The following CENPC variants were observed in gnomAD, a reference collection of about 807,000 sequenced individuals.
CENPC encodes CENP-C 1.
Under a neutral mutation model 112.1 loss-of-function variants are expected in CENPC, and 63 were observed. That is an observed-to-expected ratio of 0.56 (90% CI 0.46 to 0.69). The LOEUF is 0.69. Among genes scored for constraint, CENPC ranks in the 30% least tolerant of loss-of-function variants. The pLI is 0.00. For synonymous variants in CENPC, 333 were observed against 367.6 expected (o/e 0.91, Z 1.08); for missense variants, 1,000 against 1,103.8 (o/e 0.91, Z 1.33).
intron 9 of CENPC, among the ~76,000 whole-genome samples, chr4:67,510,513 T>C (rs919993265): frequency 5.9e-5 from 9 of 152,204 alleles, no homozygotes; most frequent in Admixed American, 3.3e-4. Flanking sequence ...GGCAGGACTA[T>C]GGTGAAGCAA....
chr4:67,533,691 T>C (rs181357930), intron 4 of CENPC, among the ~76,000 whole-genome samples: 13 of 152,208 alleles, frequency 8.5e-5, no homozygotes, highest in Admixed American at 2.0e-4. Flanking sequence ...GCAGACAGAT[T>C]ACTGTTTATG....
chr4:67,536,345 A>C (rs1254101879), intron 4 of CENPC, among the ~76,000 whole-genome samples: 1 of 152,192 alleles, frequency 6.6e-6, no homozygotes, highest in South Asian at 2.1e-4. Flanking sequence ...CTCCAACCAT[A>C]TGTTTTACAA....
At chr4:67,486,406 C>G (rs1289704259) in intron 17 of CENPC, among the ~76,000 whole-genome samples, 8 of 152,088 alleles carry the variant, frequency 5.3e-5, no homozygotes, top group African/African-American at 1.9e-4. Context: ...ATATTTAATA[C>G]CAAATATCTA....
At chr4:67,504,479 T>A (rs1197496245) in intron 12 of CENPC, among the ~76,000 whole-genome samples, 2 of 152,100 alleles carry the variant, frequency 1.3e-5, no homozygotes, top group Non-Finnish European at 2.9e-5. Context: ...ATGAAAAAAT[T>A]ATAAAATTCT....
chr4:67,489,158 C>T (rs1349007260), intron 17 of CENPC, among the ~76,000 whole-genome samples: 1 of 150,502 alleles, frequency 6.6e-6, no homozygotes, highest in African/African-American at 2.4e-5. Flanking sequence ...ACTCAGACTA[C>T]AAATATTTTT....
chr4:67,527,932 T>A (rs1726431890), intron 5 of CENPC, among the ~76,000 whole-genome samples: 1 of 152,078 alleles, frequency 6.6e-6, no homozygotes, highest in African/African-American at 2.4e-5. Context: ...CTAATTTCAG[T>A]TAAAATCATA....
chr4:67,539,975 G>T, intron 3 of CENPC, 41 bp from the exon 4 acceptor site: 1 of 1,036,936 alleles, frequency 9.6e-7, no homozygotes, highest in Non-Finnish European at 1.4e-6. Context: ...AAGATATAGT[G>T]TAATATCTAT....
In CENPC at chr4:67,490,097, T is replaced by C. The variant is rs752662271; in HGVS notation, c.2540A>G (p.Tyr847Cys). The C allele has an allele frequency of 1.9e-6, 3 of 1,608,268 alleles. No individual in the cohort carries two copies. The highest frequency in any genetic ancestry group is 1.1e-5 in the South Asian group (1 of 89,498). The part of the protein sequence containing the change: ...LMDLVRPQDT[Y>C]QFFVKHGELK... Reference sequence around the variant, plus strand: ...CTCACCATGCTTAACAAAAAATTGATATGTATCTTGTGGCCTTACAAGATC... The same window carrying C: ...CTCACCATGCTTAACAAAAAATTGACATGTATCTTGTGGCCTTACAAGATC... The change falls in exon 17 of 19, where the codon TAT becomes TGT. Residue 847 changes from tyrosine (Y) to cysteine (C), a missense_variant. Physicochemically the swap from Tyr to Cys is radical, Grantham distance 194. Transcript: ENST00000273853.
intron 14 of CENPC, chr4:67,493,474 C>T (rs1319479595): frequency 1.1e-5 from 2 of 176,848 alleles, no homozygotes; most frequent in Non-Finnish European, 1.2e-5. Context: ...AGCAAGGCCT[C>T]ATCTCTACAA....
chr4:67,479,173 A>C (rs1363270272), intron 17 of CENPC, among the ~76,000 whole-genome samples: 1 of 152,130 alleles, frequency 6.6e-6, no homozygotes, highest in African/African-American at 2.4e-5. Flanking sequence ...TCAAGACAGA[A>C]AGTCAACAAA....
At chr4:67,475,034 A>T in intron 17 of CENPC, 56 bp from the exon 18 acceptor site, 2 of 925,752 alleles carry the variant, frequency 2.2e-6, no homozygotes, top group East Asian at 2.7e-5. Flanking sequence ...AATACTTCAA[A>T]GGAACCTTAA....
Position 67,493,666 on chromosome 4 carries a change from A to C in CENPC, c.2290+218T>G, listed in dbSNP as rs905663452. On this transcript the variant is annotated intron_variant, in intron 14 of 18. Transcript: ENST00000273853. Reference sequence around the variant, plus strand: ...TAACGCTTTATATTATGCAATTGGAAATCTTGTCAGATGATACAGGAATAA... The same window carrying C: ...TAACGCTTTATATTATGCAATTGGACATCTTGTCAGATGATACAGGAATAA... The C allele has an allele frequency of 9.1e-6, 4 of 440,450 alleles. No homozygotes were observed. In the East Asian group the frequency reaches 1.6e-4, roughly 18 times the overall value. The allele number at this position is 440,450 out of a possible 1,614,324, so 27.3% of individuals were successfully genotyped here. A position where few individuals can be genotyped will look rare whatever the true frequency, so the allele number is the denominator to read the frequency against.
chr4:67,530,799 T>G lies in CENPC; in HGVS notation c.331+16A>C. On this transcript the variant is annotated intron_variant, in intron 5 of 18. Coordinates refer to ENST00000273853, the MANE Select transcript of CENPC (RefSeq NM_001812.4). The stretch of plus-strand genomic sequence containing the variant: ...AATATATCCAAGCAAATAATGCCCA[T>G]GGAGATGGCACCAACCTGATCTGTT... The G allele has an allele frequency of 7.4e-6, 10 of 1,354,790 alleles. No individual in the cohort carries two copies. The highest frequency in any genetic ancestry group is 1.3e-5 in the South Asian group (1 of 77,352). 83.9% of individuals were successfully genotyped at this position (1,354,790 alleles called of 1,614,324 possible).
rs566998752 is a variant in CENPC, at chr4:67,512,437, C to A, written c.1577G>T (p.Arg526Leu). The change falls in exon 9 of 19, where the codon CGT becomes CTT. Residue 526 changes from arginine to leucine, a missense_variant. Coordinates refer to ENST00000273853, the MANE Select transcript of CENPC (RefSeq NM_001812.4). ...TTTTACCACCCACCAATCAGATGGACGCCTGGAAATTCTTCGACTTTTCGT... is the reference window on the plus strand; with the variant it reads ...TTTTACCACCCACCAATCAGATGGAAGCCTGGAAATTCTTCGACTTTTCGT... ...TVTKSRRISR[R>L]PSDWWVVKSE... The A allele has an allele frequency of 3.7e-6, 6 of 1,600,196 alleles. No individual in the cohort carries two copies. The highest frequency in any genetic ancestry group is 4.5e-5 in the East Asian group (2 of 44,538).
At chr4:67,524,095 C>T (rs355500) in intron 5 of CENPC, among the ~76,000 whole-genome samples, 25,522 of 151,480 alleles carry the variant, frequency 0.17, 2,963 homozygotes, top group East Asian at 0.57. Context: ...TAGAAAAATA[C>T]AGAAAACTAT....
intron 17 of CENPC, among the ~76,000 whole-genome samples, chr4:67,475,345 A>G (rs10866195): frequency 0.63 from 95,104 of 152,120 alleles, 29,965 homozygotes; most frequent in East Asian, 0.81. Flanking sequence ...GTTATTTCTA[A>G]AATCTAAGAA....
chr4:67,538,659 T>A (rs1237298188), intron 4 of CENPC, among the ~76,000 whole-genome samples: 1 of 152,200 alleles, frequency 6.6e-6, no homozygotes, highest in Non-Finnish European at 1.5e-5. Flanking sequence ...AATGTGCAGA[T>A]CTCTCTCAAG....
chr4:67,539,559 C>T (rs1253619577), intron 4 of CENPC, among the ~76,000 whole-genome samples: 1 of 152,160 alleles, frequency 6.6e-6, no homozygotes, highest in East Asian at 1.9e-4. Flanking sequence ...ACTTTGATCA[C>T]TGCCCATTTT....
intron 4 of CENPC, among the ~76,000 whole-genome samples, chr4:67,532,927 G>C (rs1306686514): frequency 6.6e-6 from 1 of 152,140 alleles, no homozygotes; most frequent in Non-Finnish European, 1.5e-5. Context: ...ATAAAAATAA[G>C]TATCAGTCAT....
Sources: gnomAD v4.1 joint callset for allele counts (sites outside exome capture counted in the v4.1 genomes callset) on GRCh38, gnomAD v4.1.1 for gene constraint, MANE v1.5 for transcripts, NCBI Gene and HGNC (gene_info 2026-07-23, HGNC 2026-07-21) for gene names.